ATAD5: variants seen among roughly 807,000 people sequenced by gnomAD.
ATAD5 encodes ATPase family AAA domain containing 5, also known as ATPase family AAA domain-containing protein 5.
Under a neutral mutation model 176.9 loss-of-function variants are expected in ATAD5, and 58 were observed. The ratio of observed to expected loss-of-function variants is 0.33; its 90% CI spans 0.27 to 0.41. ATAD5 has a LOEUF of 0.41. Ranked by LOEUF, ATAD5 falls within the 10% of genes least tolerant of loss-of-function variation. ATAD5 has a pLI of 1.00. For synonymous variants in ATAD5, 640 were observed against 712.6 expected (o/e 0.90, Z 1.62); for missense variants, 1,789 against 2,094.1 (o/e 0.85, Z 2.84).
intron 4 of ATAD5, among the ~76,000 whole-genome samples, chr17:30,841,646 C>T (rs1906128084): frequency 6.6e-6 from 1 of 152,208 alleles, no homozygotes; most frequent in African/African-American, 2.4e-5. Flanking sequence ...CCCCAATCCC[C>T]TCATTCCACC....
intron 6 of ATAD5, among the ~76,000 whole-genome samples, chr17:30,854,075 T>C (rs888036523): frequency 2.0e-5 from 3 of 151,084 alleles, no homozygotes; most frequent in Non-Finnish European, 2.9e-5. Flanking sequence ...TGGGTAGACT[T>C]TCATTTTTGT....
At chr17:30,887,427 T>C in intron 19 of ATAD5, 55 bp downstream of exon 19, 1 of 1,474,862 alleles carries the variant, frequency 6.8e-7, no homozygotes, top group African/African-American at 1.4e-5. Context: ...TTTAAAAATC[T>C]GTGCTATGGC....
intron 18 of ATAD5, among the ~76,000 whole-genome samples, chr17:30,882,870 G>C (rs1909106446): frequency 6.6e-6 from 1 of 152,150 alleles, no homozygotes; most frequent in Non-Finnish European, 1.5e-5. Flanking sequence ...CCTAAGGCTA[G>C]AGGAGCTAGG....
intron 3 of ATAD5, among the ~76,000 whole-genome samples, chr17:30,837,891 G>A (rs1026715042): frequency 1.3e-5 from 2 of 152,148 alleles, no homozygotes; most frequent in African/African-American, 2.4e-5. Flanking sequence ...CTGTAACACT[G>A]CCTATAGGTC....
Position 30,835,540 on chromosome 17 carries a change from G to A in ATAD5, c.1459G>A (p.Asp487Asn). 5.0e-6 allele frequency: 8 copies of A among 1,609,034 alleles called. No individual in the cohort carries two copies. The highest frequency in any genetic ancestry group is 6.8e-6 in the Non-Finnish European group (8 of 1,178,718). ...AAAGAAGAAGAATAAGAAAACATTA[G>A]ATACTGGGGCTATTCCAGGCAAAAA... Reference protein sequence around the residue: ...KLKKKNKKTLDTGAIPGKNRE... With the variant: ...KLKKKNKKTLNTGAIPGKNRE... The change falls in exon 2 of 23, where the codon GAT becomes AAT. Residue 487 changes from aspartate (D) to asparagine (N), a missense_variant. Transcript: ENST00000321990.
chr17:30,866,485 T>G (rs1294512813), intron 11 of ATAD5, among the ~76,000 whole-genome samples: 3 of 147,622 alleles, frequency 2.0e-5, no homozygotes, highest in Non-Finnish European at 4.5e-5. Context: ...TGTGAGCCAC[T>G]GCACTTGGCC....
Position 30,836,724 on chromosome 17 carries a change from T to C in ATAD5, c.1968-482T>C, listed in dbSNP as rs555492166. On this transcript the variant is annotated intron_variant, in intron 2 of 22. Transcript: ENST00000321990. ...CTGGGATTACAGGTGCGTGCCACCA[T>C]ACCCGGCTGATCTTTGTATTTTTAG... Among the ~76,000 whole-genome samples the C allele has an allele frequency of 2.0e-3, 299 of 151,586 alleles. 1 individual carries two copies. The highest frequency in any genetic ancestry group is 6.9e-3 in the African/African-American group (283 of 41,300).
At position 30,835,867 on chromosome 17, in the gene ATAD5, A is replaced by G; in HGVS notation, c.1786A>G (p.Arg596Gly). 1 of 1,614,084 alleles carries G rather than the reference A, an allele frequency of 6.2e-7. No homozygotes were observed. The highest frequency in any genetic ancestry group is 1.3e-5 in the African/African-American group (1 of 75,066). Reference sequence around the variant, plus strand: ...TGTTTCCACGCCCAAGTCAACTAGAAGATCTGGAAGAATTAGCAGCACACC... The same window carrying G: ...TGTTTCCACGCCCAAGTCAACTAGAGGATCTGGAAGAATTAGCAGCACACC... The part of the protein sequence containing the change: ...LNVSTPKSTR[R>G]SGRISSTPTT... Residue 596 changes from arginine (R) to glycine (G), a missense_variant, in exon 2 of 23, where the codon AGA becomes GGA. Physicochemically the swap from Arg to Gly is moderately radical, Grantham distance 125. This residue lies in a region of ATAD5 where 696 missense variants were observed against 712.5 expected (regional missense o/e 0.98). Coordinates refer to ENST00000321990, the MANE Select transcript of ATAD5 (RefSeq NM_024857.5).
intron 6 of ATAD5, among the ~76,000 whole-genome samples, chr17:30,853,415 C>A (rs1372850127): frequency 6.6e-6 from 1 of 151,752 alleles, no homozygotes; most frequent in Non-Finnish European, 1.5e-5. Context: ...TAGAGACATA[C>A]TAATTTAACT....
chr17:30,873,326 T>C (rs1333201247), intron 14 of ATAD5, among the ~76,000 whole-genome samples: 1 of 151,196 alleles, frequency 6.6e-6, no homozygotes, highest in Non-Finnish European at 1.5e-5. Context: ...TTTTCTTTTT[T>C]TTTTTTTTTT....
chr17:30,892,553 T>G, intron 19 of ATAD5, 54 bp from the exon 20 acceptor site: 1 of 1,266,530 alleles, frequency 7.9e-7, no homozygotes, highest in Non-Finnish European at 1.1e-6. Flanking sequence ...AATAATTGTT[T>G]GATACAATTT....
chr17:30,871,950 C>T (rs1010361516), intron 14 of ATAD5, among the ~76,000 whole-genome samples: 1 of 152,060 alleles, frequency 6.6e-6, no homozygotes, highest in African/African-American at 2.4e-5. Context: ...TTGAGACAGT[C>T]TCAATCTGTT....
In ATAD5 at chr17:30,892,639, T is replaced by C; in HGVS notation, c.4291T>C (p.Ser1431Pro). The C allele has an allele frequency of 6.3e-7, 1 of 1,579,938 alleles. No individual in the cohort carries two copies. The change falls in exon 20 of 23, where the codon TCT becomes CCT. Residue 1431 changes from serine (S) to proline (P), a missense_variant. Ser to Pro is a moderately conservative substitution (Grantham distance 74). Around this residue, in one of 6 missense-constraint regions of ATAD5, gnomAD observed 403 missense variants for 495.1 expected, o/e 0.81. Coordinates refer to ENST00000321990, the MANE Select transcript of ATAD5 (RefSeq NM_024857.5). The stretch of plus-strand genomic sequence containing the variant: ...TAGCAGAAATGTACAACTAGTTTGC[T>C]CTGAACATGGCCTTGATAACAAAAT... ...GNSRNVQLVCSEHGLDNKIYP... is the reference protein window; with the variant it reads ...GNSRNVQLVCPEHGLDNKIYP...
chr17:30,849,466 C>T (rs1187934519), intron 6 of ATAD5, among the ~76,000 whole-genome samples: 1 of 152,146 alleles, frequency 6.6e-6, no homozygotes, highest in Admixed American at 6.6e-5. Context: ...TGTGGATATA[C>T]ATCTTCATTT....
chr17:30,855,295 A>G lies in ATAD5; in HGVS notation c.2603A>G (p.Gln868Arg). 6.2e-7 allele frequency: 1 copy of G among 1,607,208 alleles called. No homozygotes were observed. The highest frequency in any genetic ancestry group is 8.5e-7 in the Non-Finnish European group (1 of 1,178,144). The change falls in exon 7 of 23, where the codon CAG becomes CGG. Residue 868 changes from glutamine to arginine, a missense_variant. Gln to Arg is a conservative substitution (Grantham distance 43, BLOSUM62 1). Coordinates refer to ENST00000321990, the MANE Select transcript of ATAD5 (RefSeq NM_024857.5). Reference protein sequence around the residue: ...DVYNAVSTSFQRVVHVQQKDD... With the variant: ...DVYNAVSTSFRRVVHVQQKDD... ...TACAATGCAGTGAGTACCAGTTTCC[A>G]GAGAGTCGTACATGTGCAACAAAAG...
At chr17:30,867,755 G>A (rs919379006) in intron 11 of ATAD5, among the ~76,000 whole-genome samples, 1 of 152,046 alleles carries the variant, frequency 6.6e-6, no homozygotes, top group East Asian at 1.9e-4. Flanking sequence ...GGGACTACAG[G>A]TGTGCACCAA....
At chr17:30,874,693 C>T (rs1385266103) in intron 14 of ATAD5, among the ~76,000 whole-genome samples, 4 of 150,144 alleles carry the variant, frequency 2.7e-5, no homozygotes, top group Admixed American at 1.3e-4. Flanking sequence ...TGCAGTGGAG[C>T]GATCTCAGCT....
At chr17:30,855,474 T>A in intron 7 of ATAD5, 147 bp downstream of exon 7, 1 of 876,936 alleles carries the variant, frequency 1.1e-6, no homozygotes, top group Non-Finnish European at 1.7e-6. Flanking sequence ...TTTCTCTCAC[T>A]ATCCATGGGG....
chr17:30,846,741 A>G (rs1906532903), intron 6 of ATAD5, among the ~76,000 whole-genome samples: 1 of 130,792 alleles, frequency 7.6e-6, no homozygotes, highest in Non-Finnish European at 1.6e-5. Flanking sequence ...TTTTTTTGAG[A>G]CGGAGTTTCG....
Sources: allele counts gnomAD v4.1 joint callset (sites outside exome capture counted in the v4.1 genomes callset), GRCh38; gene constraint gnomAD v4.1.1; regional missense constraint gnomAD v4.1.1; transcripts MANE v1.5; gene names NCBI Gene and HGNC (gene_info 2026-07-23, HGNC 2026-07-21).